The following BCL11A variants were observed in gnomAD, a reference collection of about 807,000 sequenced individuals.
BCL11A encodes the protein BCL11 transcription factor A.
BCL11A carries 2 observed loss-of-function variants against 55.9 expected under a neutral mutation model. The ratio of observed to expected loss-of-function variants is 0.04; its 90% CI spans 0.01 to 0.11. The LOEUF is 0.11. Among genes scored for constraint, BCL11A ranks in the 10% least tolerant of loss-of-function variants. The pLI is 1.00. For missense variants in BCL11A, 817 were observed against 1,137.1 expected (o/e 0.72, Z 4.05); for synonymous variants, 465 against 473.4 (o/e 0.98, Z 0.23).
intron 2 of BCL11A, among the ~76,000 whole-genome samples, chr2:60,521,357 C>T (rs533018297): frequency 2.1e-4 from 32 of 152,292 alleles, no homozygotes; most frequent in Admixed American, 1.6e-3. Context: ...CCAGAGGGAC[C>T]CGGGCCTGGG....
At chr2:60,477,720 G>A (rs1677697680) in intron 2 of BCL11A, among the ~76,000 whole-genome samples, 1 of 152,222 alleles carries the variant, frequency 6.6e-6, no homozygotes, top group Non-Finnish European at 1.5e-5. Context: ...ACAAGGGAGT[G>A]GGGAGCCATG....
Position 60,542,047 on chromosome 2 carries a change from A to G in BCL11A, c.385+3924T>C, listed in dbSNP as rs571063848. On this transcript the variant is annotated intron_variant, in intron 2 of 3. Transcript: ENST00000642384. ...TAATGTATTTCCATTTTGAATTACT[A>G]TATCTCCCTTCTTTAGAGTATCTGT... 2.5e-4 allele frequency: 149 copies of G among 593,396 alleles called. 1 individual carries two copies. In the South Asian group the frequency reaches 2.8e-3, roughly 11 times the overall value. 36.8% of individuals were successfully genotyped at this position (593,396 alleles called of 1,614,324 possible).
intron 2 of BCL11A, among the ~76,000 whole-genome samples, chr2:60,473,146 A>G (rs1216359535): frequency 6.6e-6 from 1 of 151,680 alleles, no homozygotes; most frequent in Non-Finnish European, 1.5e-5. Context: ...TAGCGTGTTC[A>G]TGTGTGTGTA....
intron 3 of BCL11A, among the ~76,000 whole-genome samples, chr2:60,467,177 GTGGTGGTGGTGA>G (rs1227133054): frequency 6.5e-5 from 9 of 137,550 alleles, no homozygotes; most frequent in South Asian, 2.4e-4. Context: ...GATGGTGGTG[GTGGTGGTGGTGA>G]TGGTGGTGGT....
chr2:60,458,013 A>T lies in BCL11A; in HGVS notation c.*2391T>A. On this transcript the variant is annotated 3_prime_UTR_variant, in exon 4 of 4. Coordinates refer to ENST00000642384, the MANE Select transcript of BCL11A (RefSeq NM_022893.4). ...CTATATTATCCTGCCAAATTAAAAA[A>T]ATATACTGTGGCAGCCTGTCTTTTT... 1.9e-6 allele frequency: 2 copies of T among 1,035,512 alleles called. No individual in the cohort carries two copies. Among genetic ancestry groups the T allele is most frequent in the East Asian group, 6.0e-5 (1 of 16,790 alleles). The allele number at this position is 1,035,512 out of a possible 1,614,324, so 64.1% of individuals were successfully genotyped here.
intron 2 of BCL11A, among the ~76,000 whole-genome samples, chr2:60,515,473 A>C (rs917839182): frequency 6.6e-6 from 1 of 152,230 alleles, no homozygotes; most frequent in Non-Finnish European, 1.5e-5. Context: ...GGAGGAGAAA[A>C]TACACCCACG....
At chr2:60,479,166 C>T (rs1193982155) in intron 2 of BCL11A, among the ~76,000 whole-genome samples, 1 of 152,160 alleles carries the variant, frequency 6.6e-6, no homozygotes, top group East Asian at 1.9e-4. Context: ...TCTGCTGATT[C>T]CATATGAGTA....
intron 2 of BCL11A, among the ~76,000 whole-genome samples, chr2:60,502,203 G>C (rs898805919): frequency 2.0e-5 from 3 of 152,206 alleles, no homozygotes; most frequent in Non-Finnish European, 4.4e-5. Context: ...CAGAGATCAG[G>C]TCCCTCCAAA....
At chr2:60,540,896 C>T (rs1018731163) in intron 2 of BCL11A, among the ~76,000 whole-genome samples, 23 of 150,200 alleles carry the variant, frequency 1.5e-4, no homozygotes, top group Non-Finnish European at 2.1e-4. Context: ...AAAGGCACAA[C>T]TTGCAACACA....
chr2:60,457,607 C>A lies in BCL11A; in HGVS notation c.*2797G>T. 1.9e-6 allele frequency: 2 copies of A among 1,040,530 alleles called. No individual in the cohort carries two copies. Among genetic ancestry groups the A allele is most frequent in the Non-Finnish European group, 2.3e-6 (2 of 864,236 alleles). The allele number at this position is 1,040,530 out of a possible 1,614,324, so 64.5% of individuals were successfully genotyped here. A position where few individuals can be genotyped will look rare whatever the true frequency, so the allele number is the denominator to read the frequency against. ...TTTAATATGCTTTGCATATGAAATT[C>A]TTTCCAATCTAAATATAAAGCACCA... On this transcript the variant is annotated 3_prime_UTR_variant, in exon 4 of 4. Transcript: ENST00000642384.
chr2:60,531,380 A>C (rs1289203310), intron 2 of BCL11A, among the ~76,000 whole-genome samples: 3 of 152,236 alleles, frequency 2.0e-5, no homozygotes, highest in South Asian at 2.1e-4. Flanking sequence ...GTTTTGTTTT[A>C]AATCATATCC....
intron 2 of BCL11A, among the ~76,000 whole-genome samples, chr2:60,530,352 A>G (rs1401587745): frequency 3.5e-5 from 5 of 141,354 alleles, no homozygotes; most frequent in Admixed American, 1.4e-4. Context: ...AAAAAAAAAG[A>G]GTTTCCACTG....
At chr2:60,480,722 G>A (rs777058743) in intron 2 of BCL11A, among the ~76,000 whole-genome samples, 1 of 152,168 alleles carries the variant, frequency 6.6e-6, no homozygotes, top group Non-Finnish European at 1.5e-5. Context: ...ACAGTTAAAA[G>A]AGCTACAGCG....
chr2:60,454,838 A>G (rs1384816735), downstream of BCL11A, among the ~76,000 whole-genome samples: 1 of 152,248 alleles, frequency 6.6e-6, no homozygotes, highest in East Asian at 1.9e-4. Flanking sequence ...TCTCACTTCT[A>G]GCATTATGAT....
intron 2 of BCL11A, chr2:60,526,839 C>T (rs911832354): frequency 1.3e-5 from 2 of 152,230 alleles, no homozygotes; most frequent in Admixed American, 1.3e-4. Flanking sequence ...ACACAACTCC[C>T]TGCGCTAATC....
At chr2:60,470,679 G>A (rs1677146459) in intron 2 of BCL11A, among the ~76,000 whole-genome samples, 1 of 152,156 alleles carries the variant, frequency 6.6e-6, no homozygotes, top group African/African-American at 2.4e-5. Context: ...ATCTCTTGTT[G>A]GCAAACTTGT....
chr2:60,505,945 A>T (rs755965266), intron 2 of BCL11A, among the ~76,000 whole-genome samples: 10 of 152,236 alleles, frequency 6.6e-5, no homozygotes, highest in Non-Finnish European at 1.5e-4. Flanking sequence ...TTCGTCTGCC[A>T]GATGCTGTGG....
At chr2:60,497,364 C>T (rs544043467) in intron 2 of BCL11A, among the ~76,000 whole-genome samples, 1 of 152,280 alleles carries the variant, frequency 6.6e-6, no homozygotes, top group South Asian at 2.1e-4. Context: ...ATATGAATAG[C>T]TAGTATTCAA....
intron 2 of BCL11A, chr2:60,525,678 A>C (rs1669170785): frequency 6.6e-6 from 1 of 152,254 alleles, no homozygotes; most frequent in Admixed American, 6.5e-5. Flanking sequence ...CAAGGAAACA[A>C]ATGCTAACAG....
Sources: allele counts gnomAD v4.1 joint callset (sites outside exome capture counted in the v4.1 genomes callset), GRCh38; gene constraint gnomAD v4.1.1; transcripts MANE v1.5; gene names NCBI Gene and HGNC (gene_info 2026-07-23, HGNC 2026-07-21).